CCDC81: variants seen among roughly 807,000 people sequenced by gnomAD.
The protein encoded by CCDC81 is coiled-coil domain-containing protein 81.
In CCDC81, 79 loss-of-function variants were observed where a neutral mutation model predicts 83.7. The observed-to-expected ratio is 0.94, with a 90% CI of 0.79 to 1.14. CCDC81 has a LOEUF of 1.14. Ranked by LOEUF, CCDC81 falls within the 50% of genes most tolerant of loss-of-function variation. The pLI is 0.00. For missense variants in CCDC81, 791 were observed against 778.1 expected (o/e 1.02, Z -0.20); for synonymous variants, 252 against 278.1 (o/e 0.91, Z 0.93).
chr11:86,413,910 G>A (rs757156750), intron 11 of CCDC81, among the ~76,000 whole-genome samples: 6 of 152,228 alleles, frequency 3.9e-5, no homozygotes, highest in Non-Finnish European at 7.4e-5. Context: ...CTGAGATTGG[G>A]AGAGCAACTA....
chr11:86,406,158 T>G (rs1272026887), intron 7 of CCDC81, among the ~76,000 whole-genome samples: 1 of 152,240 alleles, frequency 6.6e-6, no homozygotes, highest in East Asian at 1.9e-4. Context: ...ACACTTATTC[T>G]TTGTATTGCT....
intron 6 of CCDC81, among the ~76,000 whole-genome samples, chr11:86,398,653 T>C (rs1243951199): frequency 6.6e-6 from 1 of 152,080 alleles, no homozygotes; most frequent in Non-Finnish European, 1.5e-5. Context: ...TGGGTTCAGG[T>C]GATTCTCCTG....
chr11:86,397,049 T>G (rs1165075318), intron 5 of CCDC81, among the ~76,000 whole-genome samples: 1 of 130,598 alleles, frequency 7.7e-6, no homozygotes, highest in East Asian at 2.2e-4. Context: ...CACTCCCTAC[T>G]CCAACCTAGT....
intron 1 of CCDC81, among the ~76,000 whole-genome samples, chr11:86,385,406 G>C (rs1047452513): frequency 1.3e-5 from 2 of 152,086 alleles, no homozygotes; most frequent in African/African-American, 4.8e-5. Context: ...AGTTATTTTA[G>C]ACATACTATT....
intron 2 of CCDC81, among the ~76,000 whole-genome samples, chr11:86,386,862 AGATGT>A (rs887145810): frequency 3.9e-5 from 6 of 152,190 alleles, no homozygotes; most frequent in African/African-American, 1.4e-4. Context: ...TTGGAGCTCA[AGATGT>A]GCTCTCCCCT....
At chr11:86,395,507 CATGT>C (rs1352808277) in intron 5 of CCDC81, 94 bp downstream of exon 5, 2 of 952,144 alleles carry the variant, frequency 2.1e-6, no homozygotes, top group Admixed American at 1.9e-5. Flanking sequence ...TTTTGTAGCT[CATGT>C]TCCTTTTAAT....
chr11:86,382,621 G>A (rs150936243), intron 1 of CCDC81, among the ~76,000 whole-genome samples: 4 of 152,266 alleles, frequency 2.6e-5, no homozygotes, highest in African/African-American at 9.6e-5. Context: ...CAAGGAGTCT[G>A]GGTCTGTAAA....
intron 1 of CCDC81, among the ~76,000 whole-genome samples, chr11:86,382,888 G>C (rs190598234): frequency 3.3e-4 from 51 of 152,276 alleles, no homozygotes; most frequent in African/African-American, 1.2e-3. Context: ...AGACATGGCT[G>C]AGGGCTCAGA....
At chr11:86,383,899 T>A (rs1196883620) in intron 1 of CCDC81, among the ~76,000 whole-genome samples, 1 of 152,238 alleles carries the variant, frequency 6.6e-6, no homozygotes, top group Non-Finnish European at 1.5e-5. Context: ...TTAGTTCTGC[T>A]CTTATGTAAT....
At chr11:86,383,905 G>A (rs10898474) in intron 1 of CCDC81, among the ~76,000 whole-genome samples, 97,843 of 152,076 alleles carry the variant, frequency 0.64, 32,560 homozygotes, top group African/African-American at 0.81. Context: ...CTGCTCTTAT[G>A]TAATGTTATC....
chr11:86,384,142 T>C (rs1158617906), intron 1 of CCDC81, among the ~76,000 whole-genome samples: 1 of 152,226 alleles, frequency 6.6e-6, no homozygotes, highest in Non-Finnish European at 1.5e-5. Flanking sequence ...GAGTCATAAA[T>C]TTAACAATTT....
intron 9 of CCDC81, 116 bp from the exon 10 acceptor site, chr11:86,409,145 C>A (rs1362948761): frequency 1.7e-5 from 8 of 462,208 alleles, no homozygotes; most frequent in Non-Finnish European, 3.0e-5. Context: ...CTCCAAAAGG[C>A]AGGTTTCTAC....
chr11:86,419,912 G>A lies in CCDC81; in HGVS notation c.1692-16G>A. The A allele has an allele frequency of 6.2e-7, 1 of 1,607,650 alleles. No individual in the cohort carries two copies. Among genetic ancestry groups the A allele is most frequent in the Non-Finnish European group, 8.5e-7 (1 of 1,177,524 alleles). On this transcript the variant is annotated splice_polypyrimidine_tract_variant and intron_variant, in intron 13 of 14. Coordinates refer to ENST00000445632, the MANE Select transcript of CCDC81 (RefSeq NM_001156474.2). Reference sequence around the variant, plus strand: ...CTTCCAAGTATTATGGAGCCAGGCTGTTCTTTTCTCTCCAGGCACTTGGCA... The same window carrying A: ...CTTCCAAGTATTATGGAGCCAGGCTATTCTTTTCTCTCCAGGCACTTGGCA...
At chr11:86,407,858 T>C (rs1190941884) in intron 8 of CCDC81, among the ~76,000 whole-genome samples, 157 bp downstream of exon 8, 3 of 152,232 alleles carry the variant, frequency 2.0e-5, no homozygotes, top group African/African-American at 7.2e-5. Context: ...ATCTATCTAC[T>C]AGTCAAGATG....
Position 86,396,253 on chromosome 11 carries a change from A to T in CCDC81, c.635+840A>T, listed in dbSNP as rs150032845. Among the ~76,000 whole-genome samples, 225 of 152,290 alleles carry T rather than the reference A, an allele frequency of 1.5e-3. 3 individuals are homozygous for T. Among genetic ancestry groups the T allele is most frequent in the Admixed American group, 0.013 (205 of 15,300 alleles). ...TGTGACTTATGTATTATAATTCTCC[A>T]TTTTATCATGATACAAAATTAATTT... On this transcript the variant is annotated intron_variant, in intron 5 of 14. Coordinates refer to ENST00000445632, the MANE Select transcript of CCDC81 (RefSeq NM_001156474.2).
At position 86,395,173 on chromosome 11, in the gene CCDC81, C is replaced by T. The variant is rs562756697; in HGVS notation, c.556-161C>T. On this transcript the variant is annotated intron_variant, in intron 4 of 14. Coordinates refer to ENST00000445632, the MANE Select transcript of CCDC81 (RefSeq NM_001156474.2). ...GGGTGATTGCTCTGATGAATGAGATCATTCCTCATTGGATTTTTAAGCTCT... is the reference window on the plus strand; with the variant it reads ...GGGTGATTGCTCTGATGAATGAGATTATTCCTCATTGGATTTTTAAGCTCT... The T allele has an allele frequency of 7.3e-6, 4 of 547,226 alleles. No individual in the cohort carries two copies. In the South Asian group the frequency reaches 7.9e-5, roughly 11 times the overall value. 33.9% of individuals were successfully genotyped at this position (547,226 alleles called of 1,614,324 possible).
chr11:86,390,127 A>G (rs959775796), intron 3 of CCDC81, among the ~76,000 whole-genome samples: 10 of 152,142 alleles, frequency 6.6e-5, no homozygotes, highest in Non-Finnish European at 2.9e-5. Context: ...AAAAAATATG[A>G]TGAAACATGA....
At chr11:86,406,161 G>T (rs1948563125) in intron 7 of CCDC81, among the ~76,000 whole-genome samples, 1 of 152,122 alleles carries the variant, frequency 6.6e-6, no homozygotes, top group South Asian at 2.1e-4. Context: ...CTTATTCTTT[G>T]TATTGCTTAA....
intron 7 of CCDC81, 146 bp downstream of exon 7, chr11:86,400,947 A>G: frequency 1.3e-6 from 1 of 799,178 alleles, no homozygotes; most frequent in Admixed American, 3.1e-5. Flanking sequence ...GGGAATAATA[A>G]AGGTGACCAA....
Sources: gnomAD v4.1 joint callset for allele counts (sites outside exome capture counted in the v4.1 genomes callset) on GRCh38, gnomAD v4.1.1 for gene constraint, MANE v1.5 for transcripts, NCBI Gene and HGNC (gene_info 2026-07-23, HGNC 2026-07-21) for gene names.